Variants in FYN observed in about 807,000 individuals in gnomAD.
FYN encodes the protein tyrosine-protein kinase Fyn.
FYN carries 10 observed loss-of-function variants against 70.2 expected under a neutral mutation model. The observed-to-expected ratio is 0.14, with a 90% confidence interval of 0.09 to 0.24. The LOEUF (loss-of-function observed/expected upper bound fraction) is 0.24, where lower values mean the gene tolerates loss of function less well. Ranked by LOEUF, FYN falls within the 10% of genes least tolerant of loss-of-function variation. The probability of loss-of-function intolerance (pLI) is 1.00; values close to 1 mark genes in which losing one functional copy is unlikely to be tolerated. For synonymous variants in FYN, 236 were observed against 248.6 expected, an observed-to-expected ratio of 0.95 and a Z score of 0.48; for missense variants, 319 against 673.1, an observed-to-expected ratio of 0.47 and a Z score of 5.82.
intron 12 of FYN, among the ~76,000 whole-genome samples, chr6:111,692,110 C>T (rs553316235): frequency 1.3e-5 from 2 of 149,684 alleles, no homozygotes; most frequent in Non-Finnish European, 3.0e-5. Flanking sequence ...TTCCCCCCCC[C>T]CCAGTTCAGC....
intron 1 of FYN, among the ~76,000 whole-genome samples, chr6:111,861,020 T>C (rs533572838): frequency 4.1e-4 from 62 of 152,270 alleles, no homozygotes; most frequent in African/African-American, 1.4e-3. Flanking sequence ...ATCTAAAACA[T>C]GCAACCAAAA....
At chr6:111,808,368 T>A (rs1772218335) in intron 2 of FYN, among the ~76,000 whole-genome samples, 1 of 152,134 alleles carries the variant, frequency 6.6e-6, no homozygotes, top group East Asian at 1.9e-4. Context: ...GTGGCTCTGT[T>A]ATACCTAAAG....
At chr6:111,818,028 C>T (rs1772544468) in intron 2 of FYN, among the ~76,000 whole-genome samples, 1 of 152,204 alleles carries the variant, frequency 6.6e-6, no homozygotes, top group Admixed American at 6.5e-5. Context: ...GCAAAGAGCA[C>T]ACAGATGACC....
chr6:111,696,722 C>CT, intron 9 of FYN: 1 of 313,790 alleles, frequency 3.2e-6, no homozygotes, highest in South Asian at 4.7e-5. Flanking sequence ...ACCACTCTCT[C>CT]TTTTTTTGGC....
At chr6:111,721,109 G>A (rs900811847) in intron 3 of FYN, among the ~76,000 whole-genome samples, 6 of 152,086 alleles carry the variant, frequency 3.9e-5, no homozygotes, top group Admixed American at 1.3e-4. Flanking sequence ...GATATGTGAC[G>A]TATCCATGTC....
chr6:111,820,746 TA>T (rs532446258), intron 2 of FYN, among the ~76,000 whole-genome samples: 64 of 151,032 alleles, frequency 4.2e-4, no homozygotes, highest in African/African-American at 1.3e-3. Flanking sequence ...TGCATAATTA[TA>T]AAAAAAAATG....
chr6:111,744,913 T>C (rs1245936304), intron 3 of FYN, among the ~76,000 whole-genome samples: 3 of 152,090 alleles, frequency 2.0e-5, no homozygotes, highest in Non-Finnish European at 2.9e-5. Flanking sequence ...AGAGGAGAGG[T>C]AGAAAGTACA....
At chr6:111,766,097 A>G (rs143918499) in intron 3 of FYN, among the ~76,000 whole-genome samples, 9 of 152,336 alleles carry the variant, frequency 5.9e-5, no homozygotes, top group African/African-American at 2.2e-4. Context: ...GTGAAGAGAC[A>G]TGACACAGAG....
At chr6:111,675,698 C>T (rs921309460) in intron 12 of FYN, among the ~76,000 whole-genome samples, 2 of 151,808 alleles carry the variant, frequency 1.3e-5, no homozygotes, top group Admixed American at 6.6e-5. Context: ...GAGGCTGAGG[C>T]GGGAGAATCA....
At chr6:111,675,609 AG>A (rs1259614917) in intron 12 of FYN, among the ~76,000 whole-genome samples, 1 of 152,018 alleles carries the variant, frequency 6.6e-6, no homozygotes, top group Admixed American at 6.6e-5. Context: ...CCTGGCCAAC[AG>A]GGTGAAACCT....
intron 1 of FYN, among the ~76,000 whole-genome samples, chr6:111,847,804 T>C (rs1366494128): frequency 2.0e-5 from 3 of 152,246 alleles, no homozygotes; most frequent in East Asian, 1.9e-4. Flanking sequence ...AACTCATATA[T>C]TGTTCTCTGC....
At chr6:111,850,906 C>T (rs969313256) in intron 1 of FYN, among the ~76,000 whole-genome samples, 8 of 152,198 alleles carry the variant, frequency 5.3e-5, no homozygotes, top group Admixed American at 2.0e-4. Context: ...CTCATTGCCA[C>T]GTTTCCCCAG....
chr6:111,841,566 C>T (rs537492527), intron 2 of FYN, among the ~76,000 whole-genome samples: 6 of 152,130 alleles, frequency 3.9e-5, no homozygotes, highest in Admixed American at 2.6e-4. Flanking sequence ...GTGGGGCAAC[C>T]GAATAAGATA....
chr6:111,692,162 T>C (rs1227129330), intron 12 of FYN, among the ~76,000 whole-genome samples: 1 of 147,284 alleles, frequency 6.8e-6, no homozygotes, highest in East Asian at 2.1e-4. Flanking sequence ...TTCTAGTGTT[T>C]GGCATGGATT....
chr6:111,762,034 AC>A (rs1803029213), intron 3 of FYN, among the ~76,000 whole-genome samples: 1 of 152,184 alleles, frequency 6.6e-6, no homozygotes, highest in South Asian at 2.1e-4. Context: ...GTGAGAAGGA[AC>A]AGCTTCAACA....
At chr6:111,747,053 T>C (rs1802258106) in intron 3 of FYN, among the ~76,000 whole-genome samples, 1 of 152,132 alleles carries the variant, frequency 6.6e-6, no homozygotes, top group African/African-American at 2.4e-5. Context: ...AAAATTAAAA[T>C]GTGTCCACAG....
At chr6:111,770,607 A>G (rs1803406945) in intron 3 of FYN, among the ~76,000 whole-genome samples, 2 of 152,154 alleles carry the variant, frequency 1.3e-5, no homozygotes, top group Admixed American at 6.5e-5. Flanking sequence ...GTGTTCTTAT[A>G]TATCTGTGAC....
intron 2 of FYN, among the ~76,000 whole-genome samples, chr6:111,784,364 G>C (rs1771287213): frequency 2.0e-5 from 3 of 152,182 alleles, no homozygotes; most frequent in African/African-American, 7.2e-5. Flanking sequence ...AGAACAGAAT[G>C]CCAAGGCCCT....
chr6:111,717,017 A>G (rs920878988), intron 4 of FYN, among the ~76,000 whole-genome samples: 1 of 151,920 alleles, frequency 6.6e-6, no homozygotes, highest in African/African-American at 2.4e-5. Flanking sequence ...AACTCCTGAC[A>G]TCGTGATCTG....
Sources: allele counts gnomAD v4.1 joint callset (sites outside exome capture counted in the v4.1 genomes callset), GRCh38; gene constraint gnomAD v4.1.1; transcripts MANE v1.5; gene names NCBI Gene and HGNC (gene_info 2026-07-23, HGNC 2026-07-21).